The following SLC15A5 variants were observed in gnomAD, a reference collection of about 807,000 sequenced individuals.
SLC15A5 encodes Peptide/histidine transporter ENSP00000340402.
SLC15A5 carries 58 observed loss-of-function variants against 56.1 expected under a neutral mutation model. The ratio of observed to expected loss-of-function variants is 1.03; its 90% CI spans 0.84 to 1.29. The LOEUF (loss-of-function observed/expected upper bound fraction) is 1.29. Among genes scored for constraint, SLC15A5 ranks in the 50% most tolerant of loss-of-function variants. SLC15A5 has a pLI of 0.00. For synonymous variants in SLC15A5, 264 were observed against 250.5 expected (o/e 1.05, Z -0.51); for missense variants, 681 against 672.1 (o/e 1.01, Z -0.15).
At chr12:16,213,467 G>T (rs1864102363) in intron 7 of SLC15A5, among the ~76,000 whole-genome samples, 1 of 152,094 alleles carries the variant, frequency 6.6e-6, no homozygotes, top group African/African-American at 2.4e-5. Flanking sequence ...GCTGCTATGT[G>T]AATGGAGAAC....
At chr12:16,244,893 C>T (rs775565376) in intron 3 of SLC15A5, 93 bp from the exon 4 acceptor site, 26 of 1,346,366 alleles carry the variant, frequency 1.9e-5, no homozygotes, top group Admixed American at 1.1e-4. Flanking sequence ...CAAGGATTCA[C>T]GGCAGTGAAG....
At position 16,257,885 on chromosome 12, in the gene SLC15A5, C is replaced by CA; in HGVS notation, c.585-16dup. 10 of 1,402,048 alleles carry CA rather than the reference C, an allele frequency of 7.1e-6. No homozygotes were observed. Among genetic ancestry groups the CA allele is most frequent in the Non-Finnish European group, 9.2e-6 (10 of 1,083,870 alleles). The allele number at this position is 1,402,048 out of a possible 1,614,324, so 86.9% of individuals were successfully genotyped here. A position where few individuals can be genotyped will look rare whatever the true frequency, so the allele number is the denominator to read the frequency against. ...GCCAATAAAACCTGGGGTATACAGACAGACAAAAATAAAAATACCATTGAA... is the reference window on the plus strand; with the variant it reads ...GCCAATAAAACCTGGGGTATACAGACAAGACAAAAATAAAAATACCATTGAA... On this transcript the variant is annotated splice_polypyrimidine_tract_variant and intron_variant, in intron 2 of 8. Coordinates refer to ENST00000344941, the MANE Select transcript of SLC15A5 (RefSeq NM_001170798.1).
At chr12:16,221,098 T>G (rs556696437) in intron 6 of SLC15A5, among the ~76,000 whole-genome samples, 1 of 152,304 alleles carries the variant, frequency 6.6e-6, no homozygotes, top group Non-Finnish European at 1.5e-5. Context: ...TAGGACACTG[T>G]CAAAAGTTTG....
chr12:16,207,655 T>G (rs533387743), intron 7 of SLC15A5, among the ~76,000 whole-genome samples: 1 of 152,090 alleles, frequency 6.6e-6, no homozygotes, highest in African/African-American at 2.4e-5. Flanking sequence ...TTTTTTTCTT[T>G]TTTTTTTTGA....
At chr12:16,276,996 G>A (rs1262184454) in intron 1 of SLC15A5, among the ~76,000 whole-genome samples, 2 of 151,952 alleles carry the variant, frequency 1.3e-5, no homozygotes, top group Non-Finnish European at 2.9e-5. Flanking sequence ...ATTTCTGAGG[G>A]AATTTGTCAT....
rs1863820512 is a variant in SLC15A5 at position 16,189,577 on chromosome 12, T to A, written c.*91A>T. On this transcript the variant is annotated 3_prime_UTR_variant, in exon 9 of 9. Coordinates refer to ENST00000344941, the MANE Select transcript of SLC15A5 (RefSeq NM_001170798.1). ...ATTTGTAAAATCACCTCTGTATATA[T>A]TGGCTTTTACACTAAAACACATAAA... 8.7e-6 allele frequency: 10 copies of A among 1,143,414 alleles called. No individual in the cohort carries two copies. In the South Asian group the frequency reaches 2.6e-4, roughly 30 times the overall value. The allele number at this position is 1,143,414 out of a possible 1,614,324, so 70.8% of individuals were successfully genotyped here. A position where few individuals can be genotyped will look rare whatever the true frequency, so the allele number is the denominator to read the frequency against.
chr12:16,254,277 C>CA (rs1864547322), intron 3 of SLC15A5, among the ~76,000 whole-genome samples: 1 of 151,786 alleles, frequency 6.6e-6, no homozygotes, highest in South Asian at 2.1e-4. Context: ...CTAAAGCAGT[C>CA]AAAAAATAGA....
chr12:16,258,071 T>G (rs1484951768), intron 2 of SLC15A5, among the ~76,000 whole-genome samples: 2 of 152,206 alleles, frequency 1.3e-5, no homozygotes, highest in African/African-American at 4.8e-5. Flanking sequence ...CTTTGTTTTA[T>G]CCTTGTTTAG....
chr12:16,208,467 T>G (rs1263355212), intron 7 of SLC15A5, among the ~76,000 whole-genome samples: 1 of 152,114 alleles, frequency 6.6e-6, no homozygotes, highest in Non-Finnish European at 1.5e-5. Context: ...GGCAAGGAGT[T>G]TGAGACCAGC....
At chr12:16,245,959 A>G (rs1465091064) in intron 3 of SLC15A5, among the ~76,000 whole-genome samples, 1 of 152,154 alleles carries the variant, frequency 6.6e-6, no homozygotes, top group Non-Finnish European at 1.5e-5. Context: ...CTTTTCTTCA[A>G]GAGTTGTAAT....
At chr12:16,230,888 A>C (rs1359574603) in intron 5 of SLC15A5, among the ~76,000 whole-genome samples, 9 of 151,124 alleles carry the variant, frequency 6.0e-5, no homozygotes, top group Non-Finnish European at 8.8e-5. Flanking sequence ...ATGCCACTGC[A>C]CTCCAGCCTA....
intron 2 of SLC15A5, among the ~76,000 whole-genome samples, chr12:16,262,256 A>G (rs1329168632): frequency 6.6e-6 from 1 of 152,220 alleles, no homozygotes; most frequent in African/African-American, 2.4e-5. Context: ...CAATTTCATG[A>G]CACTATCATT....
At chr12:16,206,690 T>C (rs1864023040) in intron 7 of SLC15A5, among the ~76,000 whole-genome samples, 1 of 152,198 alleles carries the variant, frequency 6.6e-6, no homozygotes. Flanking sequence ...GATCTGCACA[T>C]GCTTGATACT....
Position 16,189,379 on chromosome 12 carries a change from A to G in SLC15A5, c.*289T>C. 1 of 199,898 alleles carries G rather than the reference A, an allele frequency of 5.0e-6. No homozygotes were observed. The highest frequency in any genetic ancestry group is 1.0e-5 in the Non-Finnish European group (1 of 100,388). The allele number at this position is 199,898 out of a possible 1,614,324, so 12.4% of individuals were successfully genotyped here. A position where few individuals can be genotyped will look rare whatever the true frequency, so the allele number is the denominator to read the frequency against. Reference sequence around the variant, plus strand: ...TTTCAATGGCTGAACCATTGTAGAAAGCTGTAAGGTATTATTGGTGTATAG... The same window carrying G: ...TTTCAATGGCTGAACCATTGTAGAAGGCTGTAAGGTATTATTGGTGTATAG... On this transcript the variant is annotated 3_prime_UTR_variant, in exon 9 of 9. Coordinates refer to ENST00000344941, the MANE Select transcript of SLC15A5 (RefSeq NM_001170798.1).
Position 16,244,568 on chromosome 12 carries a change from G to A in SLC15A5, c.975+12C>T, listed in dbSNP as rs988409298. 5.2e-6 allele frequency: 8 copies of A among 1,534,716 alleles called. No homozygotes were observed. Among genetic ancestry groups the A allele is most frequent in the Admixed American group, 3.9e-5 (2 of 51,002 alleles). On this transcript the variant is annotated intron_variant, in intron 4 of 8. Coordinates refer to ENST00000344941, the MANE Select transcript of SLC15A5 (RefSeq NM_001170798.1). ...TCCTGTTGTTGGGGTAGTACTCATC[G>A]CCTGTCCTTACCTGCATAATGCACA...
intron 1 of SLC15A5, among the ~76,000 whole-genome samples, chr12:16,274,003 C>T (rs972347664): frequency 8.6e-5 from 13 of 150,516 alleles, no homozygotes; most frequent in Admixed American, 2.0e-4. Context: ...ATTGAGGTTA[C>T]ACTGTTGAGT....
At position 16,243,722 on chromosome 12, in the gene SLC15A5, A is replaced by G. The variant is rs1291958429; in HGVS notation, c.975+858T>C. Among the ~76,000 whole-genome samples, 1 of 152,184 alleles carries G rather than the reference A, an allele frequency of 6.6e-6. No individual in the cohort carries two copies. The highest frequency in any genetic ancestry group is 2.4e-5 in the African/African-American group (1 of 41,466). On this transcript the variant is annotated intron_variant, in intron 4 of 8. Transcript: ENST00000344941. The surrounding 1 kb of genome is among the most constrained non-coding windows in gnomAD (Gnocchi z 4.4). ...AGATTCCGCTTTCCCTTACACTACTATTAACTGTGACCTACGGTGCCTCAC... is the reference window on the plus strand; with the variant it reads ...AGATTCCGCTTTCCCTTACACTACTGTTAACTGTGACCTACGGTGCCTCAC...
intron 2 of SLC15A5, among the ~76,000 whole-genome samples, chr12:16,260,959 GT>G (rs1237581453): frequency 2.6e-5 from 4 of 151,864 alleles, no homozygotes; most frequent in African/African-American, 9.7e-5. Flanking sequence ...CCATACAAAT[GT>G]AGGTGTATTT....
At chr12:16,214,039 T>C (rs1021767494) in intron 7 of SLC15A5, among the ~76,000 whole-genome samples, 4 of 152,232 alleles carry the variant, frequency 2.6e-5, no homozygotes, top group African/African-American at 9.6e-5. Flanking sequence ...GGTTTCAGAA[T>C]GCTGAGAGGA....
Sources: allele counts gnomAD v4.1 joint callset (sites outside exome capture counted in the v4.1 genomes callset), GRCh38; gene constraint gnomAD v4.1.1; non-coding constraint Gnocchi (gnomAD v3.1); transcripts MANE v1.5; gene names NCBI Gene and HGNC (gene_info 2026-07-23, HGNC 2026-07-21).